Variants in ABAT observed in about 807,000 individuals in gnomAD.
The protein encoded by ABAT is 4-aminobutyrate aminotransferase, mitochondrial.
In ABAT, 45 loss-of-function variants were observed where a neutral mutation model predicts 64.6. The observed-to-expected ratio is 0.70, with a 90% confidence interval of 0.55 to 0.89. ABAT has a LOEUF of 0.89. Among genes scored for constraint, ABAT ranks in the 40% least tolerant of loss-of-function variants. The pLI, the probability that ABAT is intolerant of heterozygous loss-of-function variation, is 0.00. For synonymous variants in ABAT, 297 were observed against 250.5 expected (o/e 1.19, Z -1.75); for missense variants, 633 against 658.4 (o/e 0.96, Z 0.42).
At chr16:8,718,210 A>G (rs1483777264) in intron 1 of ABAT, among the ~76,000 whole-genome samples, 4 of 152,222 alleles carry the variant, frequency 2.6e-5, no homozygotes, top group African/African-American at 9.6e-5. Context: ...CAACTGGCAC[A>G]TGGCAGGTGT....
intron 11 of ABAT, among the ~76,000 whole-genome samples, chr16:8,772,193 G>C (rs980670899): frequency 3.3e-5 from 5 of 151,518 alleles, no homozygotes; most frequent in South Asian, 2.1e-4. Context: ...CGTGCTAATC[G>C]TAATAGTAGC....
At chr16:8,751,720 T>C (rs1007654559) in intron 5 of ABAT, among the ~76,000 whole-genome samples, 2 of 152,136 alleles carry the variant, frequency 1.3e-5, no homozygotes, top group African/African-American at 2.4e-5. Flanking sequence ...GCTGGAGTTA[T>C]TATCAATCAA....
At position 8,720,203 on chromosome 16, in the gene ABAT, C is replaced by G. The variant is rs945396891; in HGVS notation, c.-41-15496C>G. On this transcript the variant is annotated intron_variant, in intron 1 of 15. Coordinates refer to ENST00000268251, the MANE Select transcript of ABAT (RefSeq NM_020686.6). ...ATCCTATGTACTTTCTTCAATTGAC[C>G]CTAAGCCAGTTGAGTGCCTCCTGAC... Among the ~76,000 whole-genome samples, 13 of 152,292 alleles carry G rather than the reference C, an allele frequency of 8.5e-5. No homozygotes were observed. The East Asian group carries it at 2.5e-3, about 29-fold the overall frequency.
chr16:8,686,556 C>T (rs1362646982), intron 1 of ABAT, among the ~76,000 whole-genome samples: 1 of 152,174 alleles, frequency 6.6e-6, no homozygotes, highest in African/African-American at 2.4e-5. Flanking sequence ...CACCTTGTCG[C>T]TCACAACAGC....
At chr16:8,707,315 T>C (rs1640973) in intron 1 of ABAT, among the ~76,000 whole-genome samples, 101,954 of 149,476 alleles carry the variant, frequency 0.68, 35,734 homozygotes, top group East Asian at 0.85. Context: ...GCCTACCTTG[T>C]AGCTGGGACT....
chr16:8,779,213 A>C (rs1596474261), intron 14 of ABAT, among the ~76,000 whole-genome samples: 1 of 152,216 alleles, frequency 6.6e-6, no homozygotes, highest in Admixed American at 6.5e-5. Context: ...CCAAGGTTAT[A>C]CAGTGAGAGG....
chr16:8,718,926 C>T (rs754605943), intron 1 of ABAT, among the ~76,000 whole-genome samples: 15 of 152,230 alleles, frequency 9.9e-5, no homozygotes, highest in Non-Finnish European at 1.5e-4. Context: ...CAAAGTGTTT[C>T]CAAGTCTGGA....
chr16:8,692,738 A>T (rs1475380923), intron 1 of ABAT, among the ~76,000 whole-genome samples: 1 of 152,222 alleles, frequency 6.6e-6, no homozygotes, highest in Non-Finnish European at 1.5e-5. Context: ...GCAAACATGC[A>T]AATCTCTTGC....
In ABAT at chr16:8,764,718, G is replaced by A. The variant is rs200644195; in HGVS notation, c.448-20G>A. The A allele has an allele frequency of 1.5e-4, 235 of 1,611,244 alleles. No homozygotes were observed. The African/African-American group carries it at 2.2e-3, about 15-fold the overall frequency. ...GGAGTCATGATGAGCCTGGGCTCAC[G>A]GCTATTTCCCTCCCCACAGGTGGCT... On this transcript the variant is annotated intron_variant, in intron 7 of 15. Coordinates refer to ENST00000268251, the MANE Select transcript of ABAT (RefSeq NM_020686.6). This position sits in a 1 kb window ranked among gnomAD's most constrained non-coding sequence, Gnocchi z 4.2.
intron 1 of ABAT, among the ~76,000 whole-genome samples, chr16:8,695,035 C>G (rs556866094): frequency 6.6e-6 from 1 of 152,190 alleles, no homozygotes; most frequent in African/African-American, 2.4e-5. Context: ...GGCCAGCAAG[C>G]CTGAGAGGTG....
At chr16:8,729,468 G>T (rs1383842919) in intron 1 of ABAT, among the ~76,000 whole-genome samples, 2 of 152,098 alleles carry the variant, frequency 1.3e-5, no homozygotes, top group Non-Finnish European at 2.9e-5. Flanking sequence ...TGAACAGGGA[G>T]ATTACCCTAC....
At chr16:8,732,655 C>A (rs963241452) in intron 1 of ABAT, among the ~76,000 whole-genome samples, 1 of 151,510 alleles carries the variant, frequency 6.6e-6, no homozygotes, top group Admixed American at 6.5e-5. Flanking sequence ...TCCGATTTCT[C>A]AATCTTTTCC....
chr16:8,713,748 A>T (rs1001294125), intron 1 of ABAT: 1 of 401,722 alleles, frequency 2.5e-6, no homozygotes, highest in African/African-American at 2.0e-5. Flanking sequence ...CTGGTGCCCA[A>T]CGGCACCTCT....
intron 11 of ABAT, among the ~76,000 whole-genome samples, chr16:8,770,446 T>C (rs2060073959): frequency 6.9e-6 from 1 of 145,416 alleles, no homozygotes. Context: ...TTCTTTTCTT[T>C]TGTTTTGTTT....
chr16:8,687,165 G>C (rs1273350), intron 1 of ABAT, among the ~76,000 whole-genome samples: 104,071 of 151,970 alleles, frequency 0.68, 35,850 homozygotes, highest in East Asian at 0.82. Flanking sequence ...CATCTGGACG[G>C]AAAGTGTTTG....
chr16:8,773,690 C>A (rs1021926340), intron 12 of ABAT, among the ~76,000 whole-genome samples: 1 of 152,180 alleles, frequency 6.6e-6, no homozygotes, highest in Non-Finnish European at 1.5e-5. Context: ...CATTAACCAA[C>A]CCCTATTTAT....
intron 1 of ABAT, among the ~76,000 whole-genome samples, chr16:8,689,514 G>A (rs1025171416): frequency 3.0e-4 from 46 of 152,186 alleles, no homozygotes; most frequent in Non-Finnish European, 5.6e-4. Flanking sequence ...GGGAATTCAA[G>A]TCTAATCATA....
intron 11 of ABAT, among the ~76,000 whole-genome samples, 176 bp downstream of exon 11, chr16:8,769,149 G>C (rs1233073889): frequency 2.0e-5 from 3 of 152,204 alleles, no homozygotes; most frequent in South Asian, 2.1e-4. Flanking sequence ...TGTTGGGAGA[G>C]TTCGTGAGAC....
chr16:8,748,419 T>A (rs2059391418), intron 4 of ABAT, among the ~76,000 whole-genome samples: 1 of 152,238 alleles, frequency 6.6e-6, no homozygotes, highest in Non-Finnish European at 1.5e-5. Flanking sequence ...TTCAATCCTG[T>A]TAAATTTATT....
Sources: gnomAD v4.1 joint callset for allele counts (sites outside exome capture counted in the v4.1 genomes callset) on GRCh38, gnomAD v4.1.1 for gene constraint, Gnocchi (gnomAD v3.1) non-coding constraint, MANE v1.5 for transcripts, NCBI Gene and HGNC (gene_info 2026-07-23, HGNC 2026-07-21) for gene names.